The following METTL15 variants were observed in gnomAD, a reference collection of about 807,000 sequenced individuals.
METTL15 encodes 12S rRNA N(4)-cytidine methyltransferase METTL15.
In METTL15, 34 loss-of-function variants were observed where a neutral mutation model predicts 38.3. That is an observed-to-expected ratio of 0.89 (90% confidence interval 0.68 to 1.18). METTL15 has a LOEUF of 1.18. Among genes scored for constraint, METTL15 ranks in the 50% most tolerant of loss-of-function variants. The pLI is 0.00. For missense variants in METTL15, 438 were observed against 498.4 expected (o/e 0.88, Z 1.15); for synonymous variants, 162 against 170.9 (o/e 0.95, Z 0.41).
rs538124246 is a variant in METTL15 at position 28,383,983 on chromosome 11, C to G, written c.*358+21947C>G. On this transcript the variant is annotated intron_variant and NMD_transcript_variant, in intron 5 of 7. Coordinates refer to the METTL15 transcript ENST00000532947. ...TTATCCCTCCACCCTCAAGTAGGCC[C>G]CAGTGTCTGTTATTCCCTTCTATGT... 2.6e-5 allele frequency among the ~76,000 whole-genome samples: 4 copies of G among 152,026 alleles called. No individual in the cohort carries two copies. In the East Asian group the frequency reaches 7.7e-4, roughly 29 times the overall value.
At chr11:28,389,529 A>G (rs1488136051) in intron 5 of METTL15, among the ~76,000 whole-genome samples, 3 of 150,684 alleles carry the variant, frequency 2.0e-5, no homozygotes, top group African/African-American at 4.9e-5. Context: ...ATGATTTCCA[A>G]TTTCATCCAT....
chr11:28,128,772 A>G (rs1852611963), intron 3 of METTL15, among the ~76,000 whole-genome samples: 1 of 152,178 alleles, frequency 6.6e-6, no homozygotes, highest in South Asian at 2.1e-4. Context: ...ATTCAGATTT[A>G]GTACTTAAGA....
At chr11:28,227,837 A>T (rs1048826778) in intron 4 of METTL15, among the ~76,000 whole-genome samples, 5 of 151,992 alleles carry the variant, frequency 3.3e-5, no homozygotes, top group African/African-American at 1.2e-4. Context: ...TTGCTGCTGT[A>T]TCTGAAAGCT....
At chr11:28,191,303 C>T (rs528958830) in intron 3 of METTL15, among the ~76,000 whole-genome samples, 100 of 150,562 alleles carry the variant, frequency 6.6e-4, no homozygotes, top group Non-Finnish European at 1.0e-3. Context: ...ATTACCCTTT[C>T]TTTCTCCTTG....
chr11:28,174,984 A>T (rs1405235151), intron 3 of METTL15, among the ~76,000 whole-genome samples: 1 of 151,548 alleles, frequency 6.6e-6, no homozygotes, highest in Non-Finnish European at 1.5e-5. Context: ...TTTAGGGTAC[A>T]TGTGCACAAC....
intron 6 of METTL15, among the ~76,000 whole-genome samples, chr11:28,314,304 G>C (rs73438533): frequency 0.14 from 22,011 of 152,166 alleles, 1,778 homozygotes; most frequent in East Asian, 0.28. Context: ...TTGCAGGTAA[G>C]TATGCTACAG....
intron 5 of METTL15, among the ~76,000 whole-genome samples, chr11:28,374,132 T>C (rs1850278687): frequency 6.6e-6 from 1 of 152,192 alleles, no homozygotes; most frequent in Non-Finnish European, 1.5e-5. Flanking sequence ...TGGCTTAGGA[T>C]TGACATGGCG....
intron 4 of METTL15, among the ~76,000 whole-genome samples, chr11:28,284,080 G>A (rs374659409): frequency 6.6e-4 from 101 of 152,242 alleles, no homozygotes; most frequent in African/African-American, 2.2e-3. Flanking sequence ...GTTTTCAACA[G>A]TTGGTAAGCA....
chr11:28,333,849 ATG>A (rs1252852657), downstream of METTL15, among the ~76,000 whole-genome samples: 1 of 151,864 alleles, frequency 6.6e-6, no homozygotes, highest in African/African-American at 2.4e-5. Context: ...GATTTTTTAA[ATG>A]AACTAATATT....
chr11:28,506,976 C>A (rs1485495688), intron 6 of METTL15, among the ~76,000 whole-genome samples: 1 of 152,050 alleles, frequency 6.6e-6, no homozygotes, highest in Admixed American at 6.5e-5. Context: ...AACTCCTGAC[C>A]TCAAGTGATC....
chr11:28,426,584 GTTTTTTT>G (rs66959082), intron 6 of METTL15, among the ~76,000 whole-genome samples: 1 of 82,342 alleles, frequency 1.2e-5, no homozygotes, highest in Non-Finnish European at 2.4e-5. Flanking sequence ...GCCAGCATCT[GTTTTTTT>G]TTTTTTTTTT....
chr11:28,218,164 A>G (rs974288918), intron 4 of METTL15, among the ~76,000 whole-genome samples: 4 of 152,106 alleles, frequency 2.6e-5, no homozygotes, highest in Non-Finnish European at 4.4e-5. Context: ...GGCCATTTTC[A>G]CTATATTGAT....
intron 5 of METTL15, among the ~76,000 whole-genome samples, chr11:28,407,907 A>G (rs1850687929): frequency 6.6e-6 from 1 of 152,156 alleles, no homozygotes; most frequent in Admixed American, 6.5e-5. Context: ...AAATCACACA[A>G]ATGCCCATAA....
At chr11:28,328,630 A>C (rs1014274764) in intron 6 of METTL15, among the ~76,000 whole-genome samples, 2 of 152,078 alleles carry the variant, frequency 1.3e-5, no homozygotes, top group East Asian at 1.9e-4. Flanking sequence ...TCAAGGAAAA[A>C]ATTTTGTATA....
chr11:28,375,582 A>G (rs1850300349), intron 5 of METTL15, among the ~76,000 whole-genome samples: 1 of 151,838 alleles, frequency 6.6e-6, no homozygotes, highest in Non-Finnish European at 1.5e-5. Context: ...TCTTGCTGGC[A>G]GTCTATCAAT....
chr11:28,337,744 G>C (rs1218547549), downstream of METTL15, among the ~76,000 whole-genome samples: 2 of 151,896 alleles, frequency 1.3e-5, no homozygotes, highest in East Asian at 1.9e-4. Context: ...AAATACCATT[G>C]TATTACAATT....
At chr11:28,325,557 T>C (rs1164663746) in intron 6 of METTL15, among the ~76,000 whole-genome samples, 1 of 152,246 alleles carries the variant, frequency 6.6e-6, no homozygotes, top group Non-Finnish European at 1.5e-5. Flanking sequence ...CCATTTTTTT[T>C]CATTTATCTA....
At chr11:28,262,432 T>C (rs995069500) in intron 4 of METTL15, among the ~76,000 whole-genome samples, 5 of 151,522 alleles carry the variant, frequency 3.3e-5, no homozygotes, top group Non-Finnish European at 5.9e-5. Context: ...AGATATGTAC[T>C]TTCATAGTCA....
chr11:28,117,793 A>G (rs1366946553), intron 3 of METTL15, among the ~76,000 whole-genome samples: 2 of 152,142 alleles, frequency 1.3e-5, no homozygotes, highest in East Asian at 3.9e-4. Context: ...TTCAAGTAAT[A>G]AAGAACTGGT....
Sources: gnomAD v4.1 joint callset for allele counts (sites outside exome capture counted in the v4.1 genomes callset) on GRCh38, gnomAD v4.1.1 for gene constraint, MANE v1.5 for transcripts, NCBI Gene and HGNC (gene_info 2026-07-23, HGNC 2026-07-21) for gene names.